Variants in TULP4 observed in about 807,000 individuals in gnomAD.
TULP4 encodes tubby-related protein 4.
In TULP4, 16 loss-of-function variants were observed where a neutral mutation model predicts 129.0. That is an observed-to-expected ratio of 0.12 (90% confidence interval 0.08 to 0.19). The LOEUF is 0.19. Ranked by LOEUF, TULP4 falls within the 10% of genes least tolerant of loss-of-function variation. The pLI, the probability that TULP4 is intolerant of heterozygous loss-of-function variation, is 1.00. For missense variants in TULP4, 1,842 were observed against 2,059.1 expected, an observed-to-expected ratio of 0.89 and a Z score of 2.04; for synonymous variants, 998 against 854.0, an observed-to-expected ratio of 1.17 and a Z score of -2.94.
chr6:158,298,225 AAC>A (rs1048535725), intron 1 of TULP4, among the ~76,000 whole-genome samples: 9 of 152,258 alleles, frequency 5.9e-5, no homozygotes, highest in African/African-American at 2.2e-4. Context: ...ATATTGTTCA[AAC>A]ACACATGTTT....
intron 5 of TULP4, among the ~76,000 whole-genome samples, chr6:158,457,925 GA>G (rs5881264): frequency 6.7e-6 from 1 of 150,344 alleles, no homozygotes; most frequent in East Asian, 1.9e-4. Context: ...CTTCTTAAAG[GA>G]AAAAAAAATG....
intron 12 of TULP4, among the ~76,000 whole-genome samples, chr6:158,500,982 C>T (rs763248565): frequency 9.9e-5 from 15 of 151,970 alleles, no homozygotes; most frequent in Admixed American, 3.9e-4. Context: ...ATCACTTGAA[C>T]GCAGGAGAAT....
At chr6:158,320,432 A>ATTT (rs34867450) in intron 1 of TULP4, among the ~76,000 whole-genome samples, 1 of 142,318 alleles carries the variant, frequency 7.0e-6, no homozygotes. Context: ...TTTAACAGGA[A>ATTT]TTTTTTTTTT....
chr6:158,290,804 T>C (rs1778924285), intron 1 of TULP4, among the ~76,000 whole-genome samples: 1 of 152,214 alleles, frequency 6.6e-6, no homozygotes, highest in South Asian at 2.1e-4. Context: ...TTTTTTAGTT[T>C]TCTACCTTCC....
Position 158,479,879 on chromosome 6 carries a change from C to T in TULP4, c.1155C>T (p.Ile385=), listed in dbSNP as rs776194331. The part of the protein sequence containing the change: ...SSLQLLCQQA[I]ASTLREDKDV... The stretch of plus-strand genomic sequence containing the variant: ...TGCAGCTGCTGTGCCAGCAGGCCAT[C>T]GCCAGCACCTTGCGTGAGGACAAGG... The change falls in exon 7 of 14, where the codon ATC becomes ATT. Residue 385 remains isoleucine (I), a synonymous_variant. Transcript: ENST00000367097. 8.7e-6 allele frequency: 14 copies of T among 1,613,656 alleles called. No individual in the cohort carries two copies. Among genetic ancestry groups the T allele is most frequent in the Admixed American group, 5.0e-5 (3 of 60,030 alleles).
intron 6 of TULP4, among the ~76,000 whole-genome samples, chr6:158,479,339 A>C (rs1365063052): frequency 6.6e-6 from 1 of 152,216 alleles, no homozygotes; most frequent in African/African-American, 2.4e-5. Context: ...CATGACCCCA[A>C]ATTAAATGAA....
At chr6:158,506,167 T>C (rs7738540) in intron 13 of TULP4, among the ~76,000 whole-genome samples, 2,770 of 151,528 alleles carry the variant, frequency 0.018, 79 homozygotes, top group African/African-American at 0.063. Context: ...TAGACGGTGC[T>C]GTCTGCTTCC....
chr6:158,505,817 G>T (rs1464338346), intron 13 of TULP4, among the ~76,000 whole-genome samples: 1 of 151,752 alleles, frequency 6.6e-6, no homozygotes, highest in African/African-American at 2.4e-5. Context: ...CTACTTCCTA[G>T]GTGAAGAAAC....
intron 1 of TULP4, among the ~76,000 whole-genome samples, chr6:158,388,286 A>G (rs531644462): frequency 6.7e-6 from 1 of 148,352 alleles, no homozygotes; most frequent in Non-Finnish European, 1.5e-5. Flanking sequence ...TTGAACTTAC[A>G]TACATTGTTT....
rs9355653 is a variant in TULP4, at chr6:158,366,198, T to C, written c.253-46867T>C. Among the ~76,000 whole-genome samples, 69 of 152,246 alleles carry C rather than the reference T, an allele frequency of 4.5e-4. No homozygotes were observed. In the East Asian group the frequency reaches 5.4e-3, roughly 12 times the overall value. ...GATTACAGGCATGGGCCACCGCGCC[T>C]GGCCGTCAGTCTTTCTTGAAGTTGG... is the stretch of plus-strand genomic sequence containing the variant. On this transcript the variant is annotated intron_variant, in intron 1 of 13. Transcript: ENST00000367097.
intron 1 of TULP4, among the ~76,000 whole-genome samples, chr6:158,302,781 G>GAGC (rs1393194870): frequency 1.3e-5 from 2 of 151,904 alleles, no homozygotes; most frequent in Non-Finnish European, 2.9e-5. Flanking sequence ...TTTTGACTGG[G>GAGC]AGCACTGTAA....
chr6:158,489,513 G>A, intron 8 of TULP4, 75 bp from the exon 9 acceptor site: 5 of 1,578,684 alleles, frequency 3.2e-6, no homozygotes, highest in South Asian at 1.1e-5. Flanking sequence ...CTGTCTTTTA[G>A]TTTATAGTAA....
At chr6:158,304,150 T>C (rs1779174160) in intron 1 of TULP4, among the ~76,000 whole-genome samples, 1 of 152,194 alleles carries the variant, frequency 6.6e-6, no homozygotes, top group Admixed American at 6.5e-5. Flanking sequence ...GATTAATCTA[T>C]GGGTATCTAA....
intron 1 of TULP4, among the ~76,000 whole-genome samples, chr6:158,291,005 CT>C (rs35706773): frequency 6.6e-6 from 1 of 152,264 alleles, no homozygotes; most frequent in Non-Finnish European, 1.5e-5. Flanking sequence ...AAGGCTAAGG[CT>C]TTTCAATGAG....
chr6:158,258,399 T>C (rs1292386736), intron 1 of TULP4, among the ~76,000 whole-genome samples: 1 of 152,234 alleles, frequency 6.6e-6, no homozygotes, highest in East Asian at 1.9e-4. Context: ...CCCATGTTTT[T>C]CATATTATGA....
chr6:158,351,649 C>G (rs992933698), intron 1 of TULP4, among the ~76,000 whole-genome samples: 9 of 138,792 alleles, frequency 6.5e-5, no homozygotes, highest in African/African-American at 2.2e-4. Flanking sequence ...TCTATATTGA[C>G]AAAGCTGATG....
intron 6 of TULP4, among the ~76,000 whole-genome samples, chr6:158,466,730 C>T (rs1779560550): frequency 1.3e-5 from 2 of 152,186 alleles, no homozygotes; most frequent in African/African-American, 4.8e-5. Flanking sequence ...AGACATGATC[C>T]ATATCTCCTA....
At chr6:158,483,071 G>C (rs1779984124) in intron 8 of TULP4, among the ~76,000 whole-genome samples, 1 of 152,192 alleles carries the variant, frequency 6.6e-6, no homozygotes, top group Admixed American at 6.5e-5. Flanking sequence ...TACCTTGTGT[G>C]GGGTACTTGA....
At chr6:158,390,108 A>C (rs971644664) in intron 1 of TULP4, among the ~76,000 whole-genome samples, 1 of 152,140 alleles carries the variant, frequency 6.6e-6, no homozygotes, top group African/African-American at 2.4e-5. Flanking sequence ...TAAGTCATTT[A>C]TGTGCACAGT....
Sources: gnomAD v4.1 joint callset for allele counts (sites outside exome capture counted in the v4.1 genomes callset) on GRCh38, gnomAD v4.1.1 for gene constraint, MANE v1.5 for transcripts, NCBI Gene and HGNC (gene_info 2026-07-23, HGNC 2026-07-21) for gene names.